The following CATSPERT variants were observed in gnomAD, a reference collection of about 807,000 sequenced individuals.
CATSPERT encodes catsper channel auxiliary subunit tau.
the CATSPERT span, among the ~76,000 whole-genome samples, chr2:201,574,577 C>T: frequency 6.6e-6 from 1 of 152,072 alleles, no homozygotes; most frequent in Non-Finnish European, 1.5e-5. Flanking sequence ...ACACGTGATT[C>T]AAACATGTGT....
the CATSPERT span, chr2:201,493,226 A>G: frequency 6.5e-7 from 1 of 1,536,560 alleles, no homozygotes; most frequent in South Asian, 1.2e-5. Flanking sequence ...TTGTCTTTAC[A>G]AAGCCTCTGA....
chr2:201,618,453 C>T, the CATSPERT span, among the ~76,000 whole-genome samples: 8 of 151,020 alleles, frequency 5.3e-5, no homozygotes, highest in East Asian at 3.9e-4. Flanking sequence ...AGCAAACTAT[C>T]GCAAGGACAG....
At chr2:201,573,665 A>AT in the CATSPERT span, among the ~76,000 whole-genome samples, 34 of 151,254 alleles carry the variant, frequency 2.2e-4, no homozygotes, top group Non-Finnish European at 2.4e-4. Context: ...GTTTTATTTT[A>AT]TTTTTTTTTG....
the CATSPERT span, among the ~76,000 whole-genome samples, chr2:201,578,036 CA>C: frequency 2.1e-3 from 319 of 152,032 alleles, no homozygotes; most frequent in African/African-American, 7.3e-3. Flanking sequence ...AATTTATGGG[CA>C]AACAGAGGAA....
At chr2:201,612,862 C>T in the CATSPERT span, among the ~76,000 whole-genome samples, 3 of 152,288 alleles carry the variant, frequency 2.0e-5, no homozygotes, top group African/African-American at 7.2e-5. Flanking sequence ...TAATACTGCA[C>T]TTTTCCAATG....
the CATSPERT span, chr2:201,535,061 C>A: frequency 1.2e-6 from 1 of 852,270 alleles, no homozygotes; most frequent in Admixed American, 6.2e-5. Context: ...ACATTTCTCT[C>A]CATTTTCTAA....
chr2:201,583,283 T>A, the CATSPERT span, among the ~76,000 whole-genome samples: 1 of 151,904 alleles, frequency 6.6e-6, no homozygotes, highest in Non-Finnish European at 1.5e-5. Context: ...TCCCCAACCA[T>A]CCTCCCAGAA....
chr2:201,565,873 C>A, the CATSPERT span: 1 of 1,568,836 alleles, frequency 6.4e-7, no homozygotes, highest in Non-Finnish European at 8.6e-7. Flanking sequence ...AATAACTTTT[C>A]TGCAAAATAA....
the CATSPERT span, chr2:201,495,958 T>C: frequency 6.3e-7 from 1 of 1,587,068 alleles, no homozygotes; most frequent in Non-Finnish European, 8.6e-7. Context: ...ATTCTTTTGG[T>C]GAAAAAGCCA....
the CATSPERT span, among the ~76,000 whole-genome samples, chr2:201,571,312 AT>A: frequency 6.6e-6 from 1 of 152,156 alleles, no homozygotes; most frequent in African/African-American, 2.4e-5. Context: ...TCAACACCTA[AT>A]TCCCTCAATC....
At chr2:201,615,773 T>C in the CATSPERT span, among the ~76,000 whole-genome samples, 1 of 151,920 alleles carries the variant, frequency 6.6e-6, no homozygotes, top group Non-Finnish European at 1.5e-5. Context: ...CAGGAGCTGG[T>C]TTTCTGAAAA....
At chr2:201,584,180 C>T in the CATSPERT span, among the ~76,000 whole-genome samples, 1 of 152,064 alleles carries the variant, frequency 6.6e-6, no homozygotes, top group Non-Finnish European at 1.5e-5. Flanking sequence ...GTCCCAGCTA[C>T]TCAAGAGGCT....
chr2:201,600,402 C>A, the CATSPERT span, among the ~76,000 whole-genome samples: 1 of 152,050 alleles, frequency 6.6e-6, no homozygotes, highest in African/African-American at 2.4e-5. Context: ...CACATGGACA[C>A]AGGGTGGGGA....
chr2:201,516,543 C>T, the CATSPERT span, among the ~76,000 whole-genome samples: 2 of 152,112 alleles, frequency 1.3e-5, no homozygotes, highest in African/African-American at 4.8e-5. Context: ...CCTCCCTTGA[C>T]ATATGGGGAT....
the CATSPERT span, among the ~76,000 whole-genome samples, chr2:201,502,550 C>T: frequency 1.8e-4 from 24 of 136,554 alleles, no homozygotes; most frequent in African/African-American, 2.8e-4. Flanking sequence ...CCAGCCTAGG[C>T]GACAGAGTAA....
chr2:201,612,757 C>T, the CATSPERT span, among the ~76,000 whole-genome samples: 1 of 152,048 alleles, frequency 6.6e-6, no homozygotes, highest in Non-Finnish European at 1.5e-5. Flanking sequence ...TGGGGCATCG[C>T]CTCACCCAGG....
chr2:201,516,930 C>CTTTTTTTTTT, the CATSPERT span, among the ~76,000 whole-genome samples: 3 of 135,520 alleles, frequency 2.2e-5, no homozygotes, highest in Non-Finnish European at 3.2e-5. Flanking sequence ...AATAGGAAGG[C>CTTTTTTTTTT]TTTTTTTTTT....
the CATSPERT span, among the ~76,000 whole-genome samples, chr2:201,613,336 G>A: frequency 2.5e-4 from 38 of 152,184 alleles, no homozygotes; most frequent in Admixed American, 1.1e-3. Flanking sequence ...ACAACTGGGT[G>A]CCCCTCTGAG....
At chr2:201,503,142 A>T in the CATSPERT span, among the ~76,000 whole-genome samples, 3 of 151,900 alleles carry the variant, frequency 2.0e-5, no homozygotes, top group Non-Finnish European at 2.9e-5. Context: ...CTCTCTTAAC[A>T]TTCTGTTCTA....
Sources: gnomAD v4.1 joint callset for allele counts (sites outside exome capture counted in the v4.1 genomes callset) on GRCh38, gnomAD v4.1.1 for gene constraint, MANE v1.5 for transcripts, NCBI Gene and HGNC (gene_info 2026-07-23, HGNC 2026-07-21) for gene names.